Variants in SEMA5B observed in about 807,000 individuals in gnomAD.
SEMA5B encodes the protein semaphorin-5B.
Under a neutral mutation model 135.0 loss-of-function variants are expected in SEMA5B, and 66 were observed. The observed-to-expected ratio is 0.49, with a 90% CI of 0.40 to 0.60. The LOEUF (loss-of-function observed/expected upper bound fraction) is 0.60, where lower values mean the gene tolerates loss of function less well. Among genes scored for constraint, SEMA5B ranks in the 20% least tolerant of loss-of-function variants. The pLI, the probability that SEMA5B is intolerant of heterozygous loss-of-function variation, is 0.00. For synonymous variants in SEMA5B, 690 were observed against 639.5 expected (o/e 1.08, Z -1.19); for missense variants, 1,501 against 1,566.3 (o/e 0.96, Z 0.70).
At chr3:122,985,769 G>T (rs539358261) in intron 1 of SEMA5B, among the ~76,000 whole-genome samples, 1 of 152,292 alleles carries the variant, frequency 6.6e-6, no homozygotes, top group Non-Finnish European at 1.5e-5. Flanking sequence ...CCCCAACAGG[G>T]TGGCCACGCC....
rs1210582555 is a variant in SEMA5B at position 123,027,616 on chromosome 3, T to A, written c.-191A>T. 6.6e-6 allele frequency: 1 copy of A among 152,048 alleles called. No homozygotes were observed. Among genetic ancestry groups the A allele is most frequent in the East Asian group, 1.9e-4 (1 of 5,166 alleles). 9.4% of individuals were successfully genotyped at this position (152,048 alleles called of 1,614,324 possible). ...TCCAGCTCTCAGCGCTCCGGTGCAGTCCCCACCCGGGCCCGCGCCCGCTGC... is the reference window on the plus strand; with the variant it reads ...TCCAGCTCTCAGCGCTCCGGTGCAGACCCCACCCGGGCCCGCGCCCGCTGC... On this transcript the variant is annotated 5_prime_UTR_variant, in exon 1 of 23. Coordinates refer to ENST00000357599, the MANE Select transcript of SEMA5B (RefSeq NM_001031702.4).
rs1019971866 is a variant in SEMA5B at position 122,923,888 on chromosome 3, T to A, written c.1137-136A>T. 37 of 946,198 alleles carry A rather than the reference T, an allele frequency of 3.9e-5. 1 individual carries two copies. The South Asian group carries it at 5.0e-4, about 13-fold the overall frequency. 58.6% of individuals were successfully genotyped at this position (946,198 alleles called of 1,614,324 possible). Reference sequence around the variant, plus strand: ...ATGATGTGTCTGGCACATGGGGGGATCTCAAAGGGAGGAGATGTGGTCCTC... The same window carrying A: ...ATGATGTGTCTGGCACATGGGGGGAACTCAAAGGGAGGAGATGTGGTCCTC... On this transcript the variant is annotated intron_variant, in intron 9 of 22. Transcript: ENST00000357599.
intron 1 of SEMA5B, among the ~76,000 whole-genome samples, chr3:123,002,277 A>C (rs1178644015): frequency 6.6e-6 from 1 of 152,208 alleles, no homozygotes; most frequent in Non-Finnish European, 1.5e-5. Context: ...CTATTCCATT[A>C]ACCCAGTGCA....
intron 12 of SEMA5B, among the ~76,000 whole-genome samples, chr3:122,918,642 C>T (rs1010426592): frequency 8.5e-5 from 13 of 152,194 alleles, no homozygotes; most frequent in East Asian, 3.8e-4. Context: ...TTCAGCTTCC[C>T]CTGCCCTCAA....
intron 9 of SEMA5B, among the ~76,000 whole-genome samples, chr3:122,925,990 A>G (rs1369004003): frequency 6.6e-6 from 1 of 152,096 alleles, no homozygotes; most frequent in Non-Finnish European, 1.5e-5. Flanking sequence ...TTACCAGAAG[A>G]CTGCTGGTTA....
At chr3:122,957,023 T>C (rs1000694172) in intron 2 of SEMA5B, among the ~76,000 whole-genome samples, 9 of 152,274 alleles carry the variant, frequency 5.9e-5, no homozygotes, top group African/African-American at 1.7e-4. Flanking sequence ...GGCCTATCCT[T>C]GGACAATCTG....
chr3:122,925,917 A>C (rs1201989581), intron 9 of SEMA5B, among the ~76,000 whole-genome samples: 1 of 152,126 alleles, frequency 6.6e-6, no homozygotes, highest in Admixed American at 6.5e-5. Context: ...CCTAGGAAGC[A>C]AAAGGGGCTG....
chr3:123,013,162 T>C (rs888676788), intron 1 of SEMA5B, among the ~76,000 whole-genome samples: 1 of 152,220 alleles, frequency 6.6e-6, no homozygotes, highest in African/African-American at 2.4e-5. Flanking sequence ...AAGCCTGGGA[T>C]TGGCTTACTA....
At chr3:122,949,307 A>C (rs1380846215) in intron 2 of SEMA5B, among the ~76,000 whole-genome samples, 1 of 152,262 alleles carries the variant, frequency 6.6e-6, no homozygotes, top group Non-Finnish European at 1.5e-5. Context: ...ATCATAAGGA[A>C]AATGACAAAC....
In SEMA5B at chr3:122,984,845, G is replaced by A. The variant is rs187950183; in HGVS notation, c.-38-23544C>T. 5.9e-5 allele frequency among the ~76,000 whole-genome samples: 9 copies of A among 152,106 alleles called. No individual in the cohort carries two copies. In the South Asian group the frequency reaches 6.2e-4, roughly 11 times the overall value. On this transcript the variant is annotated intron_variant, in intron 1 of 22. Coordinates refer to ENST00000357599, the MANE Select transcript of SEMA5B (RefSeq NM_001031702.4). ...TTGTCTGACACAGGCAATTCCCCAG[G>A]GACACAACTGAAAATGTAAAGGCCC...
chr3:122,928,124 G>A (rs543624690), intron 7 of SEMA5B, 121 bp from the exon 8 acceptor site: 65 of 638,696 alleles, frequency 1.0e-4, no homozygotes, highest in Non-Finnish European at 1.3e-4. Flanking sequence ...CTCCTCCAGC[G>A]TCATCTCACT....
Position 122,912,105 on chromosome 3 carries a change from G to C in SEMA5B, c.2897-36C>G, listed in dbSNP as rs886942266. On this transcript the variant is annotated intron_variant, in intron 19 of 22. Coordinates refer to ENST00000357599, the MANE Select transcript of SEMA5B (RefSeq NM_001031702.4). ...TGGGTAGGATGAGGTTAACTGCCCA[G>C]GGACCCCCTGGTGGGGATCAGAGGG... 3.8e-6 allele frequency: 6 copies of C among 1,595,390 alleles called. No individual in the cohort carries two copies. The African/African-American group carries it at 8.0e-5, about 21-fold the overall frequency.
intron 1 of SEMA5B, among the ~76,000 whole-genome samples, chr3:122,989,131 T>C (rs1443173255): frequency 6.6e-6 from 1 of 152,244 alleles, no homozygotes; most frequent in Non-Finnish European, 1.5e-5. Context: ...AACCAGCATA[T>C]GTTCGGAGAG....
intron 1 of SEMA5B, among the ~76,000 whole-genome samples, chr3:123,025,321 C>T (rs759981156): frequency 6.2e-4 from 95 of 152,168 alleles, no homozygotes; most frequent in Non-Finnish European, 8.1e-4. Flanking sequence ...TCATCAGGCA[C>T]CTTGCTGCCT....
intron 12 of SEMA5B, among the ~76,000 whole-genome samples, chr3:122,917,887 G>A (rs1327971619): frequency 6.8e-6 from 1 of 147,582 alleles, no homozygotes; most frequent in East Asian, 1.9e-4. Flanking sequence ...TGGACATCGT[G>A]GGACTACATG....
rs901242692 is a variant in SEMA5B, at chr3:122,913,004, C to G, written c.2564G>C (p.Gly855Ala). The stretch of plus-strand genomic sequence containing the variant: ...CGACCACGGGCCCCAGGCGGCCCAG[C>G]CCCCGCTCACCGTGTGCGGGGAGGT... ...GSTSPHTVSG[G>A]WAAWGPWSSC... Residue 855 changes from glycine to alanine, a missense_variant, in exon 18 of 23, where the codon GGC becomes GCC. Transcript: ENST00000357599. The G allele has an allele frequency of 6.9e-6, 11 of 1,603,714 alleles. No homozygotes were observed. Among genetic ancestry groups the G allele is most frequent in the Non-Finnish European group, 9.4e-6 (11 of 1,175,522 alleles).
intron 10 of SEMA5B, 84 bp from the exon 11 acceptor site, chr3:122,922,531 G>A: frequency 2.3e-6 from 3 of 1,298,028 alleles, no homozygotes; most frequent in Non-Finnish European, 3.2e-6. Flanking sequence ...TGGCAACCCA[G>A]GTGGCCACAG....
intron 2 of SEMA5B, among the ~76,000 whole-genome samples, chr3:122,956,971 G>A (rs1392966917): frequency 6.6e-6 from 1 of 152,220 alleles, no homozygotes; most frequent in East Asian, 1.9e-4. Context: ...GGGGCGAAGA[G>A]CATTCCAGAC....
At chr3:122,982,881 G>A (rs1369820544) in intron 1 of SEMA5B, among the ~76,000 whole-genome samples, 1 of 152,236 alleles carries the variant, frequency 6.6e-6, no homozygotes, top group South Asian at 2.1e-4. Context: ...CTGGTCACCC[G>A]GGAATGGGGT....
Sources: gnomAD v4.1 joint callset for allele counts (sites outside exome capture counted in the v4.1 genomes callset) on GRCh38, gnomAD v4.1.1 for gene constraint, MANE v1.5 for transcripts, NCBI Gene and HGNC (gene_info 2026-07-23, HGNC 2026-07-21) for gene names.